COLGALT2: variants seen among roughly 807,000 people sequenced by gnomAD.
COLGALT2 encodes collagen beta(1-O)galactosyltransferase 2.
A neutral mutation model predicts 73.4 loss-of-function variants in COLGALT2; 49 were observed. That is an observed-to-expected ratio of 0.67 (90% CI 0.53 to 0.85). COLGALT2 has a LOEUF of 0.85. COLGALT2 is among the 40% of genes least tolerant of loss of function. COLGALT2 has a pLI of 0.00. For synonymous variants in COLGALT2, 295 were observed against 307.6 expected, an observed-to-expected ratio of 0.96 and a Z score of 0.43; for missense variants, 722 against 790.2, an observed-to-expected ratio of 0.91 and a Z score of 1.03.
intron 1 of COLGALT2, among the ~76,000 whole-genome samples, chr1:184,036,667 G>A (rs549862435): frequency 2.0e-5 from 3 of 152,328 alleles, no homozygotes; most frequent in Admixed American, 2.0e-4. Flanking sequence ...TCCATCTGTC[G>A]TATCTACATG....
chr1:183,943,724 C>A (rs1364073755), intron 10 of COLGALT2, among the ~76,000 whole-genome samples: 1 of 152,220 alleles, frequency 6.6e-6, no homozygotes, highest in East Asian at 1.9e-4. Flanking sequence ...AACAGAGGAG[C>A]TCCCTGGCTG....
At chr1:183,989,243 G>A (rs1023968073) in intron 1 of COLGALT2, among the ~76,000 whole-genome samples, 12 of 152,228 alleles carry the variant, frequency 7.9e-5, no homozygotes, top group Non-Finnish European at 1.5e-4. Flanking sequence ...AGTGAGAAGT[G>A]TCAGGTCTCA....
In COLGALT2 at chr1:183,940,672, C is replaced by G; in HGVS notation, c.1513G>C (p.Glu505Gln). The stretch of plus-strand genomic sequence containing the variant: ...GCTCCAACCAGCTTCTGTGCTCCTT[C>G]CAGAGAGATGACGTAGCCCAGGGTC... The part of the protein sequence containing the change: ...YWTLGYVISL[E>Q]GAQKLVGANP... The change falls in exon 11 of 12, where the codon GAA (glutamate) becomes CAA (glutamine). Residue 505 changes from glutamate to glutamine, a missense_variant. By Grantham distance (29) the Glu-to-Gln change is conservative (BLOSUM62 2). Coordinates refer to ENST00000361927, the MANE Select transcript of COLGALT2 (RefSeq NM_015101.4). The G allele has an allele frequency of 6.2e-7, 1 of 1,614,206 alleles. No individual in the cohort carries two copies. Among genetic ancestry groups the G allele is most frequent in the Non-Finnish European group, 8.5e-7 (1 of 1,180,048 alleles).
intron 8 of COLGALT2, among the ~76,000 whole-genome samples, chr1:183,948,199 A>G (rs938170432): frequency 6.6e-6 from 1 of 152,176 alleles, no homozygotes; most frequent in Non-Finnish European, 1.5e-5. Flanking sequence ...TTCCAAAAAA[A>G]AAGAGGAGGA....
In COLGALT2 at chr1:183,963,827, G is replaced by T. The variant is rs970545589; in HGVS notation, c.952+74C>A. The T allele has an allele frequency of 4.4e-6, 6 of 1,376,108 alleles. No homozygotes were observed. The African/African-American group carries it at 7.3e-5, about 17-fold the overall frequency. 85.2% of individuals were successfully genotyped at this position (1,376,108 alleles called of 1,614,324 possible). On this transcript the variant is annotated intron_variant, in intron 6 of 11. Transcript: ENST00000361927. The stretch of plus-strand genomic sequence containing the variant: ...TGGCTGTGAGATTCCAATCCTGGAA[G>T]AGGAGGGAAGTGGCTGGTATGGTCA...
intron 1 of COLGALT2, among the ~76,000 whole-genome samples, chr1:183,990,777 C>A (rs1327612058): frequency 6.6e-6 from 1 of 152,236 alleles, no homozygotes; most frequent in African/African-American, 2.4e-5. Context: ...CTAGGACTTA[C>A]AAGCCAAGAG....
chr1:183,976,549 G>A (rs1671196753), intron 2 of COLGALT2, among the ~76,000 whole-genome samples: 1 of 151,906 alleles, frequency 6.6e-6, no homozygotes. Flanking sequence ...GTTCCTTAAA[G>A]TAAAACTGTA....
intron 8 of COLGALT2, among the ~76,000 whole-genome samples, chr1:183,947,882 T>A (rs1483529405): frequency 6.6e-6 from 1 of 152,026 alleles, no homozygotes; most frequent in Non-Finnish European, 1.5e-5. Context: ...AAACTCAAAC[T>A]ATTAAAGTCA....
In COLGALT2 at chr1:183,938,209, T is replaced by TA. The variant is rs36161033; in HGVS notation, c.*551dup. 135 of 911,998 alleles carry TA rather than the reference T, an allele frequency of 1.5e-4. No individual in the cohort carries two copies. Among genetic ancestry groups the TA allele is most frequent in the Non-Finnish European group, 1.5e-4 (115 of 769,344 alleles). 56.5% of individuals were successfully genotyped at this position (911,998 alleles called of 1,614,324 possible). On this transcript the variant is annotated 3_prime_UTR_variant, in exon 12 of 12. Coordinates refer to ENST00000361927, the MANE Select transcript of COLGALT2 (RefSeq NM_015101.4). ...AACAGGGACTAAGATTTTTTTTTTT[T>TA]AAAAAATCTACTTTTCAATAAGACT...
downstream of COLGALT2, among the ~76,000 whole-genome samples, chr1:183,933,396 C>T (rs1646516438): frequency 6.6e-6 from 1 of 152,232 alleles, no homozygotes; most frequent in African/African-American, 2.4e-5. Flanking sequence ...GTCCCTTGCA[C>T]TCAACTCTGC....
chr1:183,951,153 T>C (rs1382787648), intron 7 of COLGALT2, 40 bp from the exon 8 acceptor site: 10 of 1,421,348 alleles, frequency 7.0e-6, no homozygotes, highest in Admixed American at 1.7e-5. Context: ...CATAAATTAC[T>C]CAAGTCTTCT....
chr1:184,015,982 G>A (rs528011096), intron 1 of COLGALT2, among the ~76,000 whole-genome samples: 39 of 152,188 alleles, frequency 2.6e-4, no homozygotes, highest in Non-Finnish European at 5.0e-4. Flanking sequence ...TGTCAAAGGT[G>A]ATGTTATAAA....
chr1:183,959,135 C>T lies in COLGALT2; in HGVS notation c.953-4297G>A, dbSNP rs148634592. Among the ~76,000 whole-genome samples, 401 of 152,262 alleles carry T rather than the reference C, an allele frequency of 2.6e-3. 1 individual carries two copies. Among genetic ancestry groups the T allele is most frequent in the Admixed American group, 6.9e-3 (106 of 15,280 alleles). ...CCTTGGCTTCTCAGCAGCATCTTGG[C>T]TCCGTCTTGAAACACTTCTCAATTT... On this transcript the variant is annotated intron_variant, in intron 6 of 11. Coordinates refer to ENST00000361927, the MANE Select transcript of COLGALT2 (RefSeq NM_015101.4).
At chr1:184,025,636 T>C (rs567149231) in intron 1 of COLGALT2, among the ~76,000 whole-genome samples, 2 of 152,316 alleles carry the variant, frequency 1.3e-5, no homozygotes, top group East Asian at 1.9e-4. Flanking sequence ...GAAGGTCTAA[T>C]ATATGCCATT....
chr1:183,943,863 A>G lies in COLGALT2; in HGVS notation c.1397+333T>C, dbSNP rs150472092. ...TCTTCTCCAGCTTCACACCCACTCC[A>G]TGTGCCACGTTAATTGAGGGTGGGA... is the stretch of plus-strand genomic sequence containing the variant. On this transcript the variant is annotated intron_variant, in intron 10 of 11. Coordinates refer to ENST00000361927, the MANE Select transcript of COLGALT2 (RefSeq NM_015101.4). Among the ~76,000 whole-genome samples, 4 of 152,104 alleles carry G rather than the reference A, an allele frequency of 2.6e-5. No individual in the cohort carries two copies. In the East Asian group the frequency reaches 7.7e-4, roughly 29 times the overall value.
intron 8 of COLGALT2, among the ~76,000 whole-genome samples, chr1:183,946,890 C>G (rs1041470599): frequency 2.0e-5 from 3 of 151,896 alleles, no homozygotes; most frequent in African/African-American, 7.3e-5. Flanking sequence ...AATTAGCCGG[C>G]CATGGTGGTG....
At position 183,937,385 on chromosome 1, in the gene COLGALT2, G is replaced by C; in HGVS notation, c.*1376C>G. 1 of 998,100 alleles carries C rather than the reference G, an allele frequency of 1.0e-6. No individual in the cohort carries two copies. Among genetic ancestry groups the C allele is most frequent in the Non-Finnish European group, 1.2e-6 (1 of 838,626 alleles). 61.8% of individuals were successfully genotyped at this position (998,100 alleles called of 1,614,324 possible). A position where few individuals can be genotyped will look rare whatever the true frequency, so the allele number is the denominator to read the frequency against. ...AGGATGACAGATTGTGGAGTGGGAA[G>C]AAATCGTGTAGTCCAACTCTGCATT... On this transcript the variant is annotated 3_prime_UTR_variant, in exon 12 of 12. Transcript: ENST00000361927.
intron 1 of COLGALT2, among the ~76,000 whole-genome samples, chr1:184,006,553 C>T (rs1672089631): frequency 6.6e-6 from 1 of 151,902 alleles, no homozygotes; most frequent in African/African-American, 2.4e-5. Context: ...CATTGCACTC[C>T]AGCCTGGGCA....
At chr1:184,002,303 G>C (rs1009752239) in intron 1 of COLGALT2, among the ~76,000 whole-genome samples, 1 of 152,116 alleles carries the variant, frequency 6.6e-6, no homozygotes, top group Admixed American at 6.5e-5. Flanking sequence ...GAAGAAACCT[G>C]GGCTAGACTC....
Sources: gnomAD v4.1 joint callset for allele counts (sites outside exome capture counted in the v4.1 genomes callset) on GRCh38, gnomAD v4.1.1 for gene constraint, MANE v1.5 for transcripts, NCBI Gene and HGNC (gene_info 2026-07-23, HGNC 2026-07-21) for gene names.